SLC6A12: variants seen among roughly 807,000 people sequenced by gnomAD.
SLC6A12 encodes the protein sodium- and chloride-dependent betaine transporter.
In SLC6A12, 50 loss-of-function variants were observed where a neutral mutation model predicts 73.3. The observed-to-expected ratio is 0.68, with a 90% CI of 0.54 to 0.86. SLC6A12 has a LOEUF of 0.86. Ranked by LOEUF, SLC6A12 falls within the 40% of genes least tolerant of loss-of-function variation. The probability of loss-of-function intolerance (pLI) is 0.00; values close to 1 mark genes in which losing one functional copy is unlikely to be tolerated. For missense variants in SLC6A12, 648 were observed against 772.8 expected (o/e 0.84, Z 1.92); for synonymous variants, 304 against 309.2 (o/e 0.98, Z 0.18).
rs763675929 is a variant in SLC6A12, at chr12:198,043, G to A, written c.847-40C>T. On this transcript the variant is annotated intron_variant, in intron 8 of 15. Coordinates refer to ENST00000684302, the MANE Select transcript of SLC6A12 (RefSeq NM_001122848.3). The surrounding 1 kb of genome is among the most constrained non-coding windows in gnomAD (Gnocchi z 4.0). ...AAGAAAGAGGTAGAGGCAGCCCCCA[G>A]GGCCCAGAGCCAGGGTGACCCGAGA... 4 of 1,562,878 alleles carry A rather than the reference G, an allele frequency of 2.6e-6. No individual in the cohort carries two copies. The highest frequency in any genetic ancestry group is 1.4e-5 in the African/African-American group (1 of 73,974).
At chr12:187,775 A>G (rs1220470105), downstream of SLC6A12, among the ~76,000 whole-genome samples, 6 of 152,090 alleles carry the variant, frequency 3.9e-5, no homozygotes, top group South Asian at 1.0e-3. Context: ...CGATTGGTCC[A>G]TTTTACAGAG....
chr12:207,182 A>G (rs1940693857), intron 3 of SLC6A12, among the ~76,000 whole-genome samples: 1 of 152,218 alleles, frequency 6.6e-6, no homozygotes, highest in Non-Finnish European at 1.5e-5. Flanking sequence ...TTGGAAGGTT[A>G]CCCTGCTTCA....
At chr12:208,954 G>A (rs961169144) in intron 3 of SLC6A12, among the ~76,000 whole-genome samples, 6 of 151,950 alleles carry the variant, frequency 3.9e-5, no homozygotes, top group South Asian at 2.1e-4. Flanking sequence ...AAATTGCTTC[G>A]GTGGCTCCCA....
chr12:202,482 G>A (rs908602566), intron 5 of SLC6A12, among the ~76,000 whole-genome samples: 1 of 152,148 alleles, frequency 6.6e-6, no homozygotes, highest in South Asian at 2.1e-4. Context: ...CTTGTTAAGC[G>A]CACAAATGAG....
At chr12:199,592 G>C (rs569474171) in intron 7 of SLC6A12, 1 of 152,228 alleles carries the variant, frequency 6.6e-6, no homozygotes, top group Non-Finnish European at 1.5e-5. Context: ...TTATTACTAC[G>C]ATGATCACTT....
chr12:202,481 C>T (rs1293430839), intron 5 of SLC6A12, among the ~76,000 whole-genome samples: 4 of 152,170 alleles, frequency 2.6e-5, no homozygotes, highest in Non-Finnish European at 5.9e-5. Context: ...GCTTGTTAAG[C>T]GCACAAATGA....
chr12:196,308 T>C (rs1398092304), intron 11 of SLC6A12, 47 bp from the exon 12 acceptor site: 2 of 1,573,116 alleles, frequency 1.3e-6, no homozygotes, highest in Admixed American at 1.8e-5. Flanking sequence ...GGGCGGGCTG[T>C]TGGCCACCAG....
chr12:189,036 G>A (rs969947302), downstream of SLC6A12, among the ~76,000 whole-genome samples: 3 of 152,240 alleles, frequency 2.0e-5, no homozygotes, highest in African/African-American at 7.2e-5. Flanking sequence ...ATTGGTGCAG[G>A]GCGAAGGAAT....
intron 10 of SLC6A12, among the ~76,000 whole-genome samples, chr12:197,171 A>C (rs1939942041): frequency 2.9e-5 from 2 of 70,116 alleles, no homozygotes; most frequent in African/African-American, 4.8e-5. Context: ...CCATCCATCC[A>C]TCCATCCATC....
rs180980300 is a variant in SLC6A12, at chr12:200,361, G to A, written c.711+290C>T. ...CTGACCTCGTGATCCGCCAGCCTCGGCCTCCCAAAGTGCTGGGATTACAGG... is the reference window on the plus strand; with the variant it reads ...CTGACCTCGTGATCCGCCAGCCTCGACCTCCCAAAGTGCTGGGATTACAGG... On this transcript the variant is annotated intron_variant, in intron 7 of 15. Transcript: ENST00000684302. 4.2e-3 allele frequency among the ~76,000 whole-genome samples: 638 copies of A among 152,230 alleles called. 6 individuals carry two copies. Among genetic ancestry groups the A allele is most frequent in the African/African-American group, 0.014 (596 of 41,516 alleles).
At chr12:194,099 A>G (rs1473647236) in intron 13 of SLC6A12, 1 of 152,220 alleles carries the variant, frequency 6.6e-6, no homozygotes, top group Admixed American at 6.5e-5. Context: ...ATGAAATCAC[A>G]CCATTAAAGA....
chr12:208,620 T>C (rs1033032167), intron 3 of SLC6A12, among the ~76,000 whole-genome samples: 31 of 152,250 alleles, frequency 2.0e-4, no homozygotes, highest in African/African-American at 7.5e-4. Context: ...ATTGAACGAT[T>C]GTATTCCTGT....
chr12:202,183 G>C (rs934016656), intron 5 of SLC6A12, among the ~76,000 whole-genome samples: 5 of 152,134 alleles, frequency 3.3e-5, no homozygotes, highest in Non-Finnish European at 7.3e-5. Flanking sequence ...CACTTGGCAG[G>C]CCAAGGGACT....
rs750028666 is a variant in SLC6A12 at position 198,945 on chromosome 12, G to T, written c.712-14C>A. On this transcript the variant is annotated splice_polypyrimidine_tract_variant and intron_variant, in intron 7 of 15. Coordinates refer to ENST00000684302, the MANE Select transcript of SLC6A12 (RefSeq NM_001122848.3). The surrounding 1 kb of genome is among the most constrained non-coding windows in gnomAD (Gnocchi z 4.0). ...GAAATAAACCACCTGGAGGTGGGGG[G>T]ACAGGCCAAGGTCACTCCTGGTGGG... is the stretch of plus-strand genomic sequence containing the variant. The T allele has an allele frequency of 6.2e-6, 10 of 1,613,654 alleles. No homozygotes were observed. Among genetic ancestry groups the T allele is most frequent in the Non-Finnish European group, 7.6e-6 (9 of 1,179,792 alleles).
chr12:208,904 A>G (rs1177720765), intron 3 of SLC6A12, among the ~76,000 whole-genome samples: 1 of 152,062 alleles, frequency 6.6e-6, no homozygotes, highest in Non-Finnish European at 1.5e-5. Flanking sequence ...ATGTTTCTCT[A>G]ACTTGAAAAA....
At chr12:207,480 A>G (rs1940707685) in intron 3 of SLC6A12, among the ~76,000 whole-genome samples, 1 of 152,206 alleles carries the variant, frequency 6.6e-6, no homozygotes, top group Non-Finnish European at 1.5e-5. Flanking sequence ...TTAGACCAAT[A>G]GTTTTATTAC....
intron 3 of SLC6A12, among the ~76,000 whole-genome samples, chr12:205,543 C>A (rs576180475): frequency 1.1e-4 from 16 of 152,180 alleles, no homozygotes; most frequent in African/African-American, 3.9e-4. Context: ...GACGGAAAAA[C>A]CGAAGCATGA....
At chr12:209,730 G>GCA in intron 3 of SLC6A12, 43 bp downstream of exon 3, 1 of 1,611,350 alleles carries the variant, frequency 6.2e-7, no homozygotes. Context: ...CCAGCTGCCA[G>GCA]CACACAGCTC....
At chr12:197,178 CAT>C (rs1939951362) in intron 10 of SLC6A12, among the ~76,000 whole-genome samples, 197 bp downstream of exon 10, 1 of 21,332 alleles carries the variant, frequency 4.7e-5, no homozygotes. Context: ...TCCATCCATC[CAT>C]CCATCCATCC....
Sources: allele counts gnomAD v4.1 joint callset (sites outside exome capture counted in the v4.1 genomes callset), GRCh38; gene constraint gnomAD v4.1.1; non-coding constraint Gnocchi (gnomAD v3.1); transcripts MANE v1.5; gene names NCBI Gene and HGNC (gene_info 2026-07-23, HGNC 2026-07-21).